ZNF778: variants seen among roughly 807,000 people sequenced by gnomAD.
ZNF778 encodes the protein zinc finger protein 778.
A neutral mutation model predicts 23.9 loss-of-function variants in ZNF778; 37 were observed. The observed-to-expected ratio is 1.54, with a 90% CI of 1.19 to 2.03. The LOEUF (loss-of-function observed/expected upper bound fraction) is 2.03. Among genes scored for constraint, ZNF778 ranks in the 30% most tolerant of loss-of-function variants. The pLI is 0.00. For missense variants in ZNF778, 1,297 were observed against 934.4 expected (o/e 1.39, Z -5.06); for synonymous variants, 483 against 343.9 (o/e 1.40, Z -4.48).
At chr16:89,224,692 C>T in intron 4 of ZNF778, 27 bp from the exon 5 acceptor site, 2 of 1,507,748 alleles carry the variant, frequency 1.3e-6, no homozygotes, top group Non-Finnish European at 1.8e-6. Flanking sequence ...GAGCCTCTTC[C>T]ATCGATGTCT....
chr16:89,222,907 G>A (rs921899094), intron 3 of ZNF778, among the ~76,000 whole-genome samples: 64 of 49,210 alleles, frequency 1.3e-3, no homozygotes, highest in Admixed American at 4.1e-3. Flanking sequence ...GGAGGAGAGC[G>A]ACAGGGTGCG....
intron 2 of ZNF778, 89 bp downstream of exon 2, chr16:89,221,241 A>G (rs1167697773): frequency 4.9e-6 from 7 of 1,429,632 alleles, no homozygotes; most frequent in Non-Finnish European, 6.7e-6. Flanking sequence ...GGGCCTGAGT[A>G]GTCACGCTCC....
At chr16:89,224,225 G>A (rs990044029) in intron 4 of ZNF778, among the ~76,000 whole-genome samples, 1 of 151,700 alleles carries the variant, frequency 6.6e-6, no homozygotes, top group African/African-American at 2.4e-5. Context: ...TGGTGGCCAC[G>A]CCTGTAATCC....
intron 4 of ZNF778, among the ~76,000 whole-genome samples, chr16:89,223,714 G>T (rs1385749910): frequency 6.6e-6 from 1 of 152,196 alleles, no homozygotes; most frequent in East Asian, 1.9e-4. Flanking sequence ...GCCTGAATGT[G>T]GGCTTCAGGA....
intron 6 of ZNF778, 26 bp downstream of exon 6, chr16:89,225,657 T>A (rs574737350): frequency 6.3e-7 from 1 of 1,580,926 alleles, no homozygotes; most frequent in South Asian, 1.1e-5. Flanking sequence ...GAGATTTTTT[T>A]ATTTATCACA....
intron 3 of ZNF778, 121 bp from the exon 4 acceptor site, chr16:89,223,036 G>A: frequency 1.6e-6 from 2 of 1,231,882 alleles, no homozygotes; most frequent in Admixed American, 2.9e-5. Context: ...GGACCACTGG[G>A]CCATGGGGTA....
chr16:89,230,188 C>G lies in ZNF778; in HGVS notation c.*1626C>G. 3 of 444,936 alleles carry G rather than the reference C, an allele frequency of 6.7e-6. No individual in the cohort carries two copies. Among genetic ancestry groups the G allele is most frequent in the Non-Finnish European group, 8.9e-6 (3 of 336,668 alleles). The allele number at this position is 444,936 out of a possible 1,614,324, so 27.6% of individuals were successfully genotyped here. A position where few individuals can be genotyped will look rare whatever the true frequency, so the allele number is the denominator to read the frequency against. ...CTTGTTCCTCTCCCATACCTGATCC[C>G]TTCAGATAAAACACCAGGGTGCAAG... On this transcript the variant is annotated 3_prime_UTR_variant, in exon 7 of 7. Coordinates refer to ENST00000433976, the MANE Select transcript of ZNF778 (RefSeq NM_001201407.2).
At chr16:89,224,634 AAAG>A in intron 4 of ZNF778, 82 bp from the exon 5 acceptor site, 2 of 1,007,590 alleles carry the variant, frequency 2.0e-6, no homozygotes, top group Non-Finnish European at 3.0e-6. Flanking sequence ...ATAATAAAAA[AAAG>A]GAAATGTAGT....
chr16:89,219,751 G>T (rs1384950507), intron 1 of ZNF778, among the ~76,000 whole-genome samples: 1 of 152,266 alleles, frequency 6.6e-6, no homozygotes, highest in South Asian at 2.1e-4. Flanking sequence ...TCCACACTTG[G>T]CACTGGCAGC....
Position 89,229,597 on chromosome 16 carries a change from T to C in ZNF778, c.*1035T>C, listed in dbSNP as rs1381781299. On this transcript the variant is annotated 3_prime_UTR_variant, in exon 7 of 7. Coordinates refer to ENST00000433976, the MANE Select transcript of ZNF778 (RefSeq NM_001201407.2). ...AGCAGCGTAGGCTCTGGTTGGTTAG[T>C]CTTGAGGATCCAGATGTGATTCTGT... The C allele has an allele frequency of 1.0e-6, 1 of 983,950 alleles. No homozygotes were observed. Among genetic ancestry groups the C allele is most frequent in the Non-Finnish European group, 1.2e-6 (1 of 829,828 alleles). 61.0% of individuals were successfully genotyped at this position (983,950 alleles called of 1,614,324 possible).
chr16:89,221,794 G>GTA (rs952015651), intron 2 of ZNF778, among the ~76,000 whole-genome samples: 1 of 150,764 alleles, frequency 6.6e-6, no homozygotes, highest in Admixed American at 6.6e-5. Context: ...GTGTGTGTGT[G>GTA]TGTGTGTTCC....
rs776173754 is a variant in ZNF778, at chr16:89,230,184, A to G, written c.*1622A>G. On this transcript the variant is annotated 3_prime_UTR_variant, in exon 7 of 7. Transcript: ENST00000433976. ...TGCCCTTGTTCCTCTCCCATACCTG[A>G]TCCCTTCAGATAAAACACCAGGGTG... 2.2e-6 allele frequency: 1 copy of G among 448,302 alleles called. No homozygotes were observed. Among genetic ancestry groups the G allele is most frequent in the Non-Finnish European group, 2.9e-6 (1 of 339,734 alleles). 27.8% of individuals were successfully genotyped at this position (448,302 alleles called of 1,614,324 possible). A position where few individuals can be genotyped will look rare whatever the true frequency, so the allele number is the denominator to read the frequency against.
intron 6 of ZNF778, among the ~76,000 whole-genome samples, chr16:89,226,203 C>T (rs1013819519): frequency 6.6e-6 from 1 of 152,020 alleles, no homozygotes; most frequent in African/African-American, 2.4e-5. Flanking sequence ...AGCCACTGTG[C>T]CTGGCCGATT....
chr16:89,226,890 G>C lies in ZNF778; in HGVS notation c.602G>C (p.Gly201Ala). 1 of 1,613,980 alleles carries C rather than the reference G, an allele frequency of 6.2e-7. No individual in the cohort carries two copies. The highest frequency in any genetic ancestry group is 8.5e-7 in the Non-Finnish European group (1 of 1,179,888). Reference sequence around the variant, plus strand: ...ATTGGAGAGCAGTTTTCCGTGTTGGGTCAGTGTGGAAAAGCCTTCAGCTCT... The same window carrying C: ...ATTGGAGAGCAGTTTTCCGTGTTGGCTCAGTGTGGAAAAGCCTTCAGCTCT... ...FKIGEQFSVLGQCGKAFSSTP... is the reference protein window; with the variant it reads ...FKIGEQFSVLAQCGKAFSSTP... Residue 201 changes from glycine to alanine, a missense_variant, in exon 7 of 7, where the codon GGT becomes GCT. By Grantham distance (60) the Gly-to-Ala change is moderately conservative (BLOSUM62 0). Transcript: ENST00000433976.
chr16:89,228,604 T>C lies in ZNF778; in HGVS notation c.*42T>C, dbSNP rs576978163. ...AAGCTGTCAGCTACACTCATTCACG[T>C]TGAAGACATGAAAGACCTCTCGTTC... On this transcript the variant is annotated 3_prime_UTR_variant, in exon 7 of 7. Coordinates refer to ENST00000433976, the MANE Select transcript of ZNF778 (RefSeq NM_001201407.2). 3.3e-6 allele frequency: 5 copies of C among 1,530,962 alleles called. No homozygotes were observed. In the African/African-American group the frequency reaches 6.9e-5, roughly 21 times the overall value. The allele number at this position is 1,530,962 out of a possible 1,614,324, so 94.8% of individuals were successfully genotyped here.
intron 1 of ZNF778, among the ~76,000 whole-genome samples, chr16:89,219,606 G>C (rs532997574): frequency 7.0e-4 from 107 of 151,990 alleles, no homozygotes; most frequent in African/African-American, 2.5e-3. Flanking sequence ...AGAGGGTTGT[G>C]CTCTGAGTCT....
rs79926405 is a variant in ZNF778, at chr16:89,232,647, T to A, written c.*4085T>A. ...GGACCAATTGTATTAATTATGTTTT[T>A]TTTTTTTTTGTTAGGGTACATTTTC... is the stretch of plus-strand genomic sequence containing the variant. On this transcript the variant is annotated 3_prime_UTR_variant, in exon 7 of 7. Coordinates refer to ENST00000433976, the MANE Select transcript of ZNF778 (RefSeq NM_001201407.2). 826 of 418,180 alleles carry A rather than the reference T, an allele frequency of 2.0e-3. 1 individual carries two copies. In the African/African-American group the frequency reaches 0.03, roughly 15 times the overall value. The allele number at this position is 418,180 out of a possible 1,614,324, so 25.9% of individuals were successfully genotyped here.
In ZNF778 at chr16:89,225,777, C is replaced by T. The variant is rs545451364; in HGVS notation, c.405+146C>T. The T allele has an allele frequency of 2.6e-4, 193 of 730,978 alleles. 2 individuals carry two copies. The South Asian group carries it at 3.0e-3, about 11-fold the overall frequency. 45.3% of individuals were successfully genotyped at this position (730,978 alleles called of 1,614,324 possible). A position where few individuals can be genotyped will look rare whatever the true frequency, so the allele number is the denominator to read the frequency against. ...GTCTGTAGAGAACACTCTGAATGTGCGGAATTTGGGAGGACCTCATCCTGT... is the reference window on the plus strand; with the variant it reads ...GTCTGTAGAGAACACTCTGAATGTGTGGAATTTGGGAGGACCTCATCCTGT... On this transcript the variant is annotated intron_variant, in intron 6 of 6. Transcript: ENST00000433976.
rs914126809 is a variant in ZNF778, at chr16:89,233,003, C to T, written c.*4441C>T. On this transcript the variant is annotated 3_prime_UTR_variant, in exon 7 of 7. Transcript: ENST00000433976. ...CTCGCTCTGCGTATGCAACCCAGCT[C>T]GCTCTGCGTATGCAACTCAAGTCGC... 9.5e-6 allele frequency: 12 copies of T among 1,266,854 alleles called. No homozygotes were observed. The highest frequency in any genetic ancestry group is 1.2e-4 in the East Asian group (2 of 16,738). The allele number at this position is 1,266,854 out of a possible 1,614,324, so 78.5% of individuals were successfully genotyped here. A position where few individuals can be genotyped will look rare whatever the true frequency, so the allele number is the denominator to read the frequency against.
Sources: allele counts gnomAD v4.1 joint callset (sites outside exome capture counted in the v4.1 genomes callset), GRCh38; gene constraint gnomAD v4.1.1; transcripts MANE v1.5; gene names NCBI Gene and HGNC (gene_info 2026-07-23, HGNC 2026-07-21).